MVB12A: variants seen among roughly 807,000 people sequenced by gnomAD.
The protein encoded by MVB12A is multivesicular body subunit 12A, also known as CIN85/CD2AP family binding protein.
MVB12A carries 30 observed loss-of-function variants against 34.3 expected under a neutral mutation model. The ratio of observed to expected loss-of-function variants is 0.88; its 90% CI spans 0.65 to 1.19. The LOEUF is 1.19. MVB12A is among the 50% of genes most tolerant of loss of function. The pLI, the probability that MVB12A is intolerant of heterozygous loss-of-function variation, is 0.00. For synonymous variants in MVB12A, 158 were observed against 158.9 expected, an observed-to-expected ratio of 0.99 and a Z score of 0.04; for missense variants, 355 against 369.2, an observed-to-expected ratio of 0.96 and a Z score of 0.31.
intron 2 of MVB12A, among the ~76,000 whole-genome samples, chr19:17,411,933 C>T (rs1235217145): frequency 6.6e-6 from 1 of 152,240 alleles, no homozygotes; most frequent in East Asian, 1.9e-4. Flanking sequence ...AGGACAACTC[C>T]ATGCCTGTAG....
intron 2 of MVB12A, among the ~76,000 whole-genome samples, chr19:17,410,496 TCATATA>T (rs1283145897): frequency 1.6e-4 from 5 of 31,514 alleles, no homozygotes; most frequent in African/African-American, 5.0e-4. Context: ...GGTTTTAGCT[TCATATA>T]TATATATATA....
At chr19:17,416,514 C>G (rs1016255781), upstream of MVB12A, among the ~76,000 whole-genome samples, 1 of 150,552 alleles carries the variant, frequency 6.6e-6, no homozygotes, top group Non-Finnish European at 1.5e-5. Context: ...TTCTGGGGCT[C>G]AAGCAATTCT....
chr19:17,422,227 G>T, intron 3 of MVB12A, 105 bp from the exon 4 acceptor site: 6 of 1,020,784 alleles, frequency 5.9e-6, no homozygotes, highest in Admixed American at 2.3e-5. Context: ...TTGTCCATGT[G>T]GCTGCCTTAA....
chr19:17,423,472 C>G lies in MVB12A; in HGVS notation c.414-26C>G, dbSNP rs1018895256. 3 of 1,607,562 alleles carry G rather than the reference C, an allele frequency of 1.9e-6. No homozygotes were observed. The African/African-American group carries it at 4.0e-5, about 21-fold the overall frequency. On this transcript the variant is annotated intron_variant, in intron 4 of 8. Coordinates refer to ENST00000317040, the MANE Select transcript of MVB12A (RefSeq NM_138401.4). The stretch of plus-strand genomic sequence containing the variant: ...CCCTGGCCCCACACCGGGCCAGCAT[C>G]CCTCCCACCTTCCCTCCTGGTCCAG...
chr19:17,423,827 G>A lies in MVB12A; in HGVS notation c.640+28G>A, dbSNP rs377609236. The A allele has an allele frequency of 4.9e-5, 79 of 1,605,024 alleles. No homozygotes were observed. The African/African-American group carries it at 6.0e-4, about 12-fold the overall frequency. On this transcript the variant is annotated intron_variant, in intron 6 of 8. Coordinates refer to ENST00000317040, the MANE Select transcript of MVB12A (RefSeq NM_138401.4). ...GAGCACAGAGTGGGGAAACTGAGGC[G>A]TGGAAGTGGAGGGTGTGACTGTCTT...
At chr19:17,418,543 C>A (rs192418516), upstream of MVB12A, among the ~76,000 whole-genome samples, 359 of 151,622 alleles carry the variant, frequency 2.4e-3, 3 homozygotes, top group Admixed American at 0.022. Context: ...CAGACGCGCA[C>A]CACCACGCCT....
upstream of MVB12A, chr19:17,415,095 A>T (rs1487771912): frequency 1.3e-5 from 2 of 152,110 alleles, no homozygotes; most frequent in African/African-American, 4.8e-5. Context: ...AGACAGGAGA[A>T]TCCTTTTGTA....
At chr19:17,408,783 T>C (rs1364192259) in intron 2 of MVB12A, among the ~76,000 whole-genome samples, 5 of 150,088 alleles carry the variant, frequency 3.3e-5, no homozygotes, top group Admixed American at 3.3e-4. Flanking sequence ...TATAATGTAT[T>C]TTTATATATT....
chr19:17,405,846 T>C (rs1196516631), intron 1 of MVB12A: 2 of 371,304 alleles, frequency 5.4e-6, no homozygotes, highest in South Asian at 6.2e-5. Flanking sequence ...TGTGGCTGCC[T>C]GGGACACTCC....
upstream of MVB12A, chr19:17,417,956 G>C (rs1027371368): frequency 8.9e-6 from 2 of 224,228 alleles, no homozygotes; most frequent in Non-Finnish European, 1.8e-5. Context: ...GAGTGCAGTG[G>C]CACGATCTCC....
chr19:17,410,593 C>CATATATATATACACGTATAT (rs1555734744), intron 2 of MVB12A, among the ~76,000 whole-genome samples: 52 of 125,866 alleles, frequency 4.1e-4, no homozygotes, highest in African/African-American at 9.1e-4. Flanking sequence ...TATATACACA[C>CATATATATATACACGTATAT]ATATATATAT....
At chr19:17,414,471 T>A (rs1228206764) in intron 2 of MVB12A, 3 of 152,292 alleles carry the variant, frequency 2.0e-5, no homozygotes. Flanking sequence ...ACACAGAGTA[T>A]CCTTAACCCA....
At chr19:17,422,612 A>C in intron 4 of MVB12A, 154 bp downstream of exon 4, 3 of 642,402 alleles carry the variant, frequency 4.7e-6, no homozygotes, top group Middle Eastern at 2.8e-4. Context: ...CATATATATC[A>C]TCTTGTAGGA....
rs2074865436 is a variant in MVB12A at position 17,425,317 on chromosome 19, C to G, written c.*324C>G. On this transcript the variant is annotated 3_prime_UTR_variant, in exon 9 of 9. Coordinates refer to ENST00000317040, the MANE Select transcript of MVB12A (RefSeq NM_138401.4). ...GCGGGTGTCCTCCTGGCAATAAACACTACCCGGTTCTCGCCCTCTGGAGTC... is the reference window on the plus strand; with the variant it reads ...GCGGGTGTCCTCCTGGCAATAAACAGTACCCGGTTCTCGCCCTCTGGAGTC... The G allele has an allele frequency of 2.8e-6, 1 of 362,444 alleles. No individual in the cohort carries two copies. The highest frequency in any genetic ancestry group is 6.3e-5 in the South Asian group (1 of 15,868). 22.5% of individuals were successfully genotyped at this position (362,444 alleles called of 1,614,324 possible).
upstream of MVB12A, chr19:17,419,313 T>G (rs2074820729): frequency 6.6e-6 from 1 of 152,186 alleles, no homozygotes; most frequent in Admixed American, 6.6e-5. Flanking sequence ...AAAACCTGAT[T>G]GCCTTTTCCG....
chr19:17,421,032 G>A (rs1275224770), intron 3 of MVB12A: 7 of 467,176 alleles, frequency 1.5e-5, no homozygotes, highest in African/African-American at 9.9e-5. Flanking sequence ...TCCGTCCTCC[G>A]TCAGATGTCA....
chr19:17,423,461 C>A (rs186278677), intron 4 of MVB12A, 37 bp from the exon 5 acceptor site: 1 of 1,602,708 alleles, frequency 6.2e-7, no homozygotes. Context: ...GGCCCCACAC[C>A]GGGCCAGCAT....
intron 2 of MVB12A, among the ~76,000 whole-genome samples, chr19:17,411,334 T>C (rs554476063): frequency 6.6e-6 from 1 of 152,056 alleles, no homozygotes; most frequent in African/African-American, 2.4e-5. Flanking sequence ...ATTTCCCACA[T>C]TCCCTACACC....
chr19:17,417,213 CTTTT>C (rs35583565), upstream of MVB12A: 45 of 96,980 alleles, frequency 4.6e-4, no homozygotes, highest in South Asian at 1.3e-3. Flanking sequence ...TCACCCAGAG[CTTTT>C]TTTTTTTTTT....
Sources: allele counts gnomAD v4.1 joint callset (sites outside exome capture counted in the v4.1 genomes callset), GRCh38; gene constraint gnomAD v4.1.1; transcripts MANE v1.5; gene names NCBI Gene and HGNC (gene_info 2026-07-23, HGNC 2026-07-21).